The following STK33 variants were observed in gnomAD, a reference collection of about 807,000 sequenced individuals.
STK33 encodes the protein serine/threonine kinase 33.
STK33 carries 52 observed loss-of-function variants against 58.0 expected under a neutral mutation model. That is an observed-to-expected ratio of 0.90 (90% CI 0.72 to 1.13). The LOEUF (loss-of-function observed/expected upper bound fraction) is 1.13. STK33 is among the 50% of genes most tolerant of loss of function. The pLI, the probability that STK33 is intolerant of heterozygous loss-of-function variation, is 0.00. For synonymous variants in STK33, 215 were observed against 200.1 expected (o/e 1.07, Z -0.63); for missense variants, 630 against 604.2 (o/e 1.04, Z -0.45).
chr11:8,447,405 A>G (rs553763777), intron 11 of STK33, among the ~76,000 whole-genome samples: 125 of 151,070 alleles, frequency 8.3e-4, no homozygotes, highest in African/African-American at 2.7e-3. Context: ...CTGGCAAACC[A>G]AATCCAGCAG....
At chr11:8,396,088 A>C (rs1338388857) in intron 15 of STK33, among the ~76,000 whole-genome samples, 1 of 152,110 alleles carries the variant, frequency 6.6e-6, no homozygotes, top group Non-Finnish European at 1.5e-5. Context: ...AAATCTACTT[A>C]CCTTTCTTTA....
chr11:8,362,954 G>C, the STK33 span, among the ~76,000 whole-genome samples: 2 of 93,512 alleles, frequency 2.1e-5, no homozygotes, highest in African/African-American at 6.9e-5. Flanking sequence ...TCCTGAGAGA[G>C]ACTGAGGAGA....
At chr11:8,378,242 A>G in the STK33 span, among the ~76,000 whole-genome samples, 1 of 152,220 alleles carries the variant, frequency 6.6e-6, no homozygotes, top group African/African-American at 2.4e-5. Flanking sequence ...TTAAAAAACC[A>G]TCAGATCTCT....
chr11:8,437,464 T>G (rs1944218211), intron 12 of STK33, among the ~76,000 whole-genome samples: 1 of 152,210 alleles, frequency 6.6e-6, no homozygotes, highest in Non-Finnish European at 1.5e-5. Flanking sequence ...ACAGATGTAA[T>G]TAGATTCATC....
rs34759366 is a variant in STK33, at chr11:8,508,266, C to CTTTTTTTTTTTT, written c.-465-27664_-465-27653dup. 7.0e-5 allele frequency among the ~76,000 whole-genome samples: 8 copies of CTTTTTTTTTTTT among 114,256 alleles called. 1 individual carries two copies. The highest frequency in any genetic ancestry group is 1.8e-4 in the African/African-American group (5 of 28,496). The allele number at this position is 114,256 out of a possible 152,430, so 75.0% of individuals were successfully genotyped here. A position where few individuals can be genotyped will look rare whatever the true frequency, so the allele number is the denominator to read the frequency against. On this transcript the variant is annotated intron_variant, in intron 1 of 15. Transcript: ENST00000687296. ...TGAAACAAATACTCTACCTTCTATT[C>CTTTTTTTTTTTT]TTTTTTTTTTTTTTTTTTTTGAGAC... is the stretch of plus-strand genomic sequence containing the variant.
intron 1 of STK33, among the ~76,000 whole-genome samples, chr11:8,525,508 C>T (rs1003092379): frequency 1.2e-4 from 18 of 152,136 alleles, no homozygotes; most frequent in African/African-American, 4.3e-4. Context: ...AAATTATAGC[C>T]TCTTGAATAA....
intron 11 of STK33, among the ~76,000 whole-genome samples, chr11:8,445,902 G>T (rs1384737983): frequency 6.6e-6 from 1 of 152,246 alleles, no homozygotes; most frequent in Non-Finnish European, 1.5e-5. Context: ...CATAAAATGA[G>T]TTAGGGAGGA....
intron 12 of STK33, among the ~76,000 whole-genome samples, chr11:8,438,590 T>G (rs923079897): frequency 1.3e-5 from 2 of 152,178 alleles, no homozygotes; most frequent in Non-Finnish European, 2.9e-5. Flanking sequence ...ACAACATTAT[T>G]ATGGTGATAT....
chr11:8,451,876 G>GA (rs1416032272), intron 11 of STK33, among the ~76,000 whole-genome samples: 1 of 150,662 alleles, frequency 6.6e-6, no homozygotes, highest in Non-Finnish European at 1.5e-5. Flanking sequence ...AGTACTCCAT[G>GA]AAAAACTGTT....
At chr11:8,355,884 A>G in the STK33 span, among the ~76,000 whole-genome samples, 3 of 152,324 alleles carry the variant, frequency 2.0e-5, no homozygotes, top group South Asian at 6.2e-4. Flanking sequence ...CACCATCATC[A>G]TCACAGTTGG....
chr11:8,503,670 A>C (rs190475365), intron 1 of STK33, among the ~76,000 whole-genome samples: 1 of 152,344 alleles, frequency 6.6e-6, no homozygotes, highest in Non-Finnish European at 1.5e-5. Flanking sequence ...TTCCCAGCTC[A>C]AAGGATCTAT....
rs544093701 is a variant in STK33 at position 8,461,294 on chromosome 11, CTAAATAAAAAT to C, written c.558+500_558+510del. On this transcript the variant is annotated intron_variant, in intron 8 of 15. Transcript: ENST00000687296. ...AAATAATCCAGGCTTCTGAACAACT[CTAAATAAAAAT>C]TACAGGTAAAGAGAAGAATGATAGC... 3.0e-3 allele frequency among the ~76,000 whole-genome samples: 461 copies of C among 152,148 alleles called. 1 individual carries two copies. The highest frequency in any genetic ancestry group is 4.9e-3 in the Non-Finnish European group (336 of 67,988).
chr11:8,582,872 T>A (rs1249696115), intron 1 of STK33, among the ~76,000 whole-genome samples: 1 of 152,102 alleles, frequency 6.6e-6, no homozygotes, highest in Non-Finnish European at 1.5e-5. Context: ...CAACATAGCA[T>A]CAGTAGTGGA....
intron 14 of STK33, among the ~76,000 whole-genome samples, chr11:8,420,851 T>C (rs1941812870): frequency 6.6e-6 from 1 of 151,904 alleles, no homozygotes; most frequent in Non-Finnish European, 1.5e-5. Context: ...ATTTTTTTAA[T>C]TAGCTGGACA....
At chr11:8,452,346 T>G (rs1946388786) in intron 11 of STK33, among the ~76,000 whole-genome samples, 1 of 152,198 alleles carries the variant, frequency 6.6e-6, no homozygotes. Context: ...TTTTTAAATC[T>G]TTAAAGGTAG....
intron 15 of STK33, among the ~76,000 whole-genome samples, chr11:8,409,657 A>G (rs1432221884): frequency 1.3e-5 from 2 of 152,180 alleles, no homozygotes; most frequent in Non-Finnish European, 2.9e-5. Flanking sequence ...TGAAAATGAA[A>G]TTTCTTGGTC....
intron 1 of STK33, among the ~76,000 whole-genome samples, chr11:8,588,285 T>G (rs1321524055): frequency 2.6e-5 from 4 of 152,196 alleles, no homozygotes; most frequent in Non-Finnish European, 5.9e-5. Context: ...AGATGGAAAT[T>G]TGGAGCCAAA....
At chr11:8,413,820 A>G (rs934737420) in intron 14 of STK33, 128 bp from the exon 15 acceptor site, 26 of 858,460 alleles carry the variant, frequency 3.0e-5, no homozygotes, top group Non-Finnish European at 4.4e-5. Context: ...ATGCTGAATA[A>G]ATATGAAAAC....
At chr11:8,530,400 AG>A (rs1954434734) in intron 1 of STK33, among the ~76,000 whole-genome samples, 1 of 152,030 alleles carries the variant, frequency 6.6e-6, no homozygotes, top group African/African-American at 2.4e-5. Flanking sequence ...TGGGGGAAAT[AG>A]TTGAAATTTT....
Sources: gnomAD v4.1 joint callset for allele counts (sites outside exome capture counted in the v4.1 genomes callset) on GRCh38, gnomAD v4.1.1 for gene constraint, MANE v1.5 for transcripts, NCBI Gene and HGNC (gene_info 2026-07-23, HGNC 2026-07-21) for gene names.